The following FLT1 variants were observed in gnomAD, a reference collection of about 807,000 sequenced individuals.
FLT1 encodes vascular endothelial growth factor receptor 1.
In FLT1, 49 loss-of-function variants were observed where a neutral mutation model predicts 156.3. The observed-to-expected ratio is 0.31, with a 90% confidence interval of 0.25 to 0.40. The LOEUF is 0.40. Ranked by LOEUF, FLT1 falls within the 10% of genes least tolerant of loss-of-function variation. FLT1 has a pLI of 1.00. For synonymous variants in FLT1, 594 were observed against 583.8 expected, an observed-to-expected ratio of 1.02 and a Z score of -0.25; for missense variants, 1,322 against 1,637.2, an observed-to-expected ratio of 0.81 and a Z score of 3.32.
intron 1 of FLT1, among the ~76,000 whole-genome samples, chr13:28,490,615 G>A (rs975098631): frequency 2.0e-5 from 3 of 152,116 alleles, no homozygotes; most frequent in Non-Finnish European, 4.4e-5. Flanking sequence ...AAAGCATCTG[G>A]CAGGAGATCT....
At chr13:28,309,388 T>TTG (rs1336485388) in intron 27 of FLT1, among the ~76,000 whole-genome samples, 2 of 152,066 alleles carry the variant, frequency 1.3e-5, no homozygotes, top group East Asian at 1.9e-4. Flanking sequence ...GGCTTGTATT[T>TTG]TGTGTGTGTG....
chr13:28,392,299 A>G (rs1401567217), intron 12 of FLT1, among the ~76,000 whole-genome samples: 2 of 152,250 alleles, frequency 1.3e-5, no homozygotes, highest in Non-Finnish European at 2.9e-5. Context: ...CAGAAGATGC[A>G]GGAGGGGCAG....
intron 25 of FLT1, among the ~76,000 whole-genome samples, chr13:28,314,962 ACTTTGTAC>A (rs1871142504): frequency 6.6e-6 from 1 of 152,168 alleles, no homozygotes; most frequent in Admixed American, 6.5e-5. Context: ...AGCTGATGTG[ACTTTGTAC>A]CTCTGAGTTA....
At chr13:28,404,764 A>G (rs562270601) in intron 11 of FLT1, among the ~76,000 whole-genome samples, 1 of 152,278 alleles carries the variant, frequency 6.6e-6, no homozygotes, top group East Asian at 1.9e-4. Flanking sequence ...TCACGCCTGT[A>G]ATCTCAGCAC....
chr13:28,474,077 C>A (rs549129512), intron 1 of FLT1, among the ~76,000 whole-genome samples: 4 of 152,234 alleles, frequency 2.6e-5, no homozygotes, highest in East Asian at 3.9e-4. Flanking sequence ...AGAAACCAGA[C>A]CTGCCAGCAC....
chr13:28,327,575 A>T, intron 19 of FLT1, 25 bp from the exon 20 acceptor site: 4 of 1,504,078 alleles, frequency 2.7e-6, no homozygotes, highest in Non-Finnish European at 3.7e-6. Context: ...GCACATGCTC[A>T]TGCTCAGCCA....
chr13:28,441,957 G>GA (rs1251603429), intron 3 of FLT1, among the ~76,000 whole-genome samples: 3 of 151,940 alleles, frequency 2.0e-5, no homozygotes, highest in Admixed American at 2.0e-4. Flanking sequence ...TTTGCTTAAG[G>GA]AAAACTATAA....
intron 10 of FLT1, among the ~76,000 whole-genome samples, chr13:28,418,593 TA>T (rs1876796682): frequency 6.6e-6 from 1 of 152,140 alleles, no homozygotes; most frequent in African/African-American, 2.4e-5. Flanking sequence ...TTTATTTATT[TA>T]AGACAGGGTC....
intron 3 of FLT1, among the ~76,000 whole-genome samples, chr13:28,449,965 T>G (rs1878839952): frequency 6.6e-6 from 1 of 150,758 alleles, no homozygotes; most frequent in African/African-American, 2.5e-5. Context: ...TGGGATGCTC[T>G]TTGGAATGTG....
chr13:28,435,985 A>T (rs1217037578), intron 4 of FLT1, among the ~76,000 whole-genome samples: 1 of 152,254 alleles, frequency 6.6e-6, no homozygotes, highest in Non-Finnish European at 1.5e-5. Flanking sequence ...GAAAACAAGC[A>T]TGTGCTGAAT....
intron 3 of FLT1, among the ~76,000 whole-genome samples, chr13:28,456,774 C>G (rs901866286): frequency 2.1e-4 from 30 of 146,142 alleles, no homozygotes; most frequent in African/African-American, 7.7e-4. Flanking sequence ...CCAGCCTGGG[C>G]AACAGGATGA....
chr13:28,415,876 G>T (rs1361847948), intron 10 of FLT1, among the ~76,000 whole-genome samples: 2 of 152,172 alleles, frequency 1.3e-5, no homozygotes, highest in African/African-American at 2.4e-5. Context: ...ACAGTCAGAG[G>T]ACCTGTCCCA....
chr13:28,386,453 AAATCT>A (rs1420677734), intron 13 of FLT1: 1 of 1,045,480 alleles, frequency 9.6e-7, no homozygotes, highest in African/African-American at 1.7e-5. Context: ...ATAAAAAATG[AAATCT>A]GAAGGCAAAA....
intron 1 of FLT1, among the ~76,000 whole-genome samples, chr13:28,491,692 C>G (rs887950916): frequency 6.6e-6 from 1 of 152,162 alleles, no homozygotes; most frequent in Non-Finnish European, 1.5e-5. Context: ...TTCTCATCCA[C>G]TCTATATACA....
At position 28,396,760 on chromosome 13, in the gene FLT1, A is replaced by G. The variant is rs1875072100; in HGVS notation, c.1660+200T>C. On this transcript the variant is annotated intron_variant, in intron 12 of 29. Transcript: ENST00000282397. ...AGACAAACACAAATAACTCTAAAAG[A>G]GAATACAGGGAAATAACTCCTTACG... The G allele has an allele frequency of 7.3e-6, 5 of 682,124 alleles. 1 individual carries two copies. The East Asian group carries it at 1.4e-4, about 19-fold the overall frequency. The allele number at this position is 682,124 out of a possible 1,614,324, so 42.3% of individuals were successfully genotyped here. A position where few individuals can be genotyped will look rare whatever the true frequency, so the allele number is the denominator to read the frequency against.
chr13:28,422,415 A>T (rs1877065015), intron 10 of FLT1, among the ~76,000 whole-genome samples: 1 of 152,220 alleles, frequency 6.6e-6, no homozygotes, highest in Admixed American at 6.5e-5. Context: ...TGTGATAATT[A>T]TATAGGGAGA....
chr13:28,408,481 A>G (rs1875942142), intron 10 of FLT1, among the ~76,000 whole-genome samples: 1 of 152,202 alleles, frequency 6.6e-6, no homozygotes, highest in Non-Finnish European at 1.5e-5. Context: ...ATAGAATGTC[A>G]TTTAGAAGCC....
intron 10 of FLT1, among the ~76,000 whole-genome samples, chr13:28,426,801 T>C (rs116421994): frequency 0.026 from 3,947 of 152,256 alleles, 162 homozygotes; most frequent in African/African-American, 0.09. Flanking sequence ...AAAATGGGAA[T>C]GCTAATGCAA....
intron 6 of FLT1, among the ~76,000 whole-genome samples, chr13:28,431,914 A>C (rs112883815): frequency 0.013 from 1,997 of 151,944 alleles, 54 homozygotes; most frequent in African/African-American, 0.045. Context: ...CTATAGTTTC[A>C]TTATTTCACT....
Sources: allele counts gnomAD v4.1 joint callset (sites outside exome capture counted in the v4.1 genomes callset), GRCh38; gene constraint gnomAD v4.1.1; transcripts MANE v1.5; gene names NCBI Gene and HGNC (gene_info 2026-07-23, HGNC 2026-07-21).